The following DCAF1 variants were observed in gnomAD, a reference collection of about 807,000 sequenced individuals.
DCAF1 encodes DDB1- and CUL4-associated factor 1.
Under a neutral mutation model 128.0 loss-of-function variants are expected in DCAF1, and 15 were observed. The observed-to-expected ratio is 0.12, with a 90% CI of 0.08 to 0.18. The LOEUF is 0.18. DCAF1 is among the 10% of genes least tolerant of loss of function. DCAF1 has a pLI of 1.00. For synonymous variants in DCAF1, 610 were observed against 603.0 expected, an observed-to-expected ratio of 1.01 and a Z score of -0.17; for missense variants, 988 against 1,649.5, an observed-to-expected ratio of 0.60 and a Z score of 6.95.
chr3:51,396,072 C>CTGAG (rs1466124284), downstream of DCAF1: 3 of 411,426 alleles, frequency 7.3e-6, no homozygotes, highest in Non-Finnish European at 1.3e-5. Flanking sequence ...CAACAAACGC[C>CTGAG]TGAGTCACAG....
At chr3:51,499,350 C>A (rs1708582625) in intron 1 of DCAF1, among the ~76,000 whole-genome samples, 1 of 152,118 alleles carries the variant, frequency 6.6e-6, no homozygotes, top group Non-Finnish European at 1.5e-5. Context: ...CCGCCCCCGT[C>A]GCACGGTCCA....
At chr3:51,487,424 CATTATT>C (rs1281957278) in intron 2 of DCAF1, among the ~76,000 whole-genome samples, 1 of 152,186 alleles carries the variant, frequency 6.6e-6, no homozygotes, top group Non-Finnish European at 1.5e-5. Flanking sequence ...AACATTGTTA[CATTATT>C]ATTAACTAAA....
chr3:51,425,084 T>C (rs1699785574), intron 13 of DCAF1, among the ~76,000 whole-genome samples: 1 of 152,200 alleles, frequency 6.6e-6, no homozygotes, highest in African/African-American at 2.4e-5. Context: ...AATTTTCTTT[T>C]CTCTTTAAAA....
At chr3:51,482,690 G>A (rs546424218) in intron 3 of DCAF1, among the ~76,000 whole-genome samples, 54 of 145,626 alleles carry the variant, frequency 3.7e-4, no homozygotes, top group Non-Finnish European at 5.9e-4. Context: ...ACTTGAACCC[G>A]GGAGGCGGAG....
At chr3:51,444,838 G>A (rs961458129) in intron 6 of DCAF1, among the ~76,000 whole-genome samples, 5 of 151,140 alleles carry the variant, frequency 3.3e-5, no homozygotes, top group Non-Finnish European at 5.9e-5. Flanking sequence ...ACCACGCCCG[G>A]CTAATTTTTT....
chr3:51,462,956 A>T (rs1214625133), intron 6 of DCAF1, among the ~76,000 whole-genome samples, 158 bp downstream of exon 6: 1 of 152,022 alleles, frequency 6.6e-6, no homozygotes, highest in Non-Finnish European at 1.5e-5. Flanking sequence ...AAAAATAAAT[A>T]ATTTTATTAT....
intron 24 of DCAF1, among the ~76,000 whole-genome samples, chr3:51,400,600 C>T (rs2089596712): frequency 6.6e-6 from 1 of 152,190 alleles, no homozygotes; most frequent in South Asian, 2.1e-4. Context: ...CAACTCCCCT[C>T]TGGTGGTCAG....
At chr3:51,445,288 T>C (rs1192369469) in intron 6 of DCAF1, among the ~76,000 whole-genome samples, 1 of 152,208 alleles carries the variant, frequency 6.6e-6, no homozygotes, top group Non-Finnish European at 1.5e-5. Flanking sequence ...TAAACTTTGT[T>C]AACTGCTATA....
chr3:51,420,192 G>A lies in DCAF1; in HGVS notation c.2778C>T (p.Ala926=). The A allele has an allele frequency of 6.2e-7, 1 of 1,614,016 alleles. No individual in the cohort carries two copies. The highest frequency in any genetic ancestry group is 1.1e-5 in the South Asian group (1 of 91,082). ...HAAVGASAPS[A]PTAHPQPRPP... is the part of the protein sequence containing the mutation. ...GCCGTGGCTGAGGATGAGCAGTAGG[G>A]GCAGAAGGCGCAGAGGCACCCACAG... The change falls in exon 15 of 25, where the codon GCC becomes GCT. Residue 926 remains alanine, a synonymous_variant. Transcript: ENST00000684031. This position sits in a 1 kb window ranked among gnomAD's most constrained non-coding sequence, Gnocchi z 6.5.
chr3:51,435,679 C>G (rs1276226304), intron 9 of DCAF1, among the ~76,000 whole-genome samples: 1 of 149,620 alleles, frequency 6.7e-6, no homozygotes, highest in East Asian at 2.0e-4. Context: ...CCACTGCACT[C>G]CAGCCTGGGT....
intron 10 of DCAF1, among the ~76,000 whole-genome samples, chr3:51,431,070 C>G (rs1487706704): frequency 1.3e-5 from 2 of 152,156 alleles, no homozygotes; most frequent in African/African-American, 4.8e-5. Context: ...GTCCCAGCTA[C>G]TTGCGAGGAT....
chr3:51,489,849 AGATAGAT>A (rs1707426344), intron 2 of DCAF1, among the ~76,000 whole-genome samples: 6 of 151,692 alleles, frequency 4.0e-5, no homozygotes, highest in Non-Finnish European at 7.4e-5. Context: ...ATAGATAGAT[AGATAGAT>A]AGATGGTATC....
In DCAF1 at chr3:51,427,952, C is replaced by G. The variant is rs978417721; in HGVS notation, c.1678-411G>C. Among the ~76,000 whole-genome samples, 3 of 152,134 alleles carry G rather than the reference C, an allele frequency of 2.0e-5. No homozygotes were observed. The East Asian group carries it at 5.8e-4, about 29-fold the overall frequency. The stretch of plus-strand genomic sequence containing the variant: ...GTGCTGGAATTACAGGCATGAGCCA[C>G]CATGCTTGGCCAAGGTTTTAATTAT... On this transcript the variant is annotated intron_variant, in intron 12 of 24. Transcript: ENST00000684031.
intron 2 of DCAF1, among the ~76,000 whole-genome samples, chr3:51,485,702 T>C (rs929178854): frequency 6.6e-6 from 1 of 152,134 alleles, no homozygotes; most frequent in Non-Finnish European, 1.5e-5. Flanking sequence ...AAGAAATACA[T>C]GTAAAAGATG....
At chr3:51,497,857 T>C (rs1208038942) in intron 1 of DCAF1, among the ~76,000 whole-genome samples, 3 of 151,798 alleles carry the variant, frequency 2.0e-5, no homozygotes, top group Non-Finnish European at 4.4e-5. Context: ...GAGACCATCA[T>C]GGCTAACACG....
At chr3:51,432,755 G>A (rs1403246498) in intron 10 of DCAF1, among the ~76,000 whole-genome samples, 5 of 152,032 alleles carry the variant, frequency 3.3e-5, no homozygotes, top group African/African-American at 9.7e-5. Context: ...CACTGCGCCC[G>A]GCCTGTTGTT....
At chr3:51,415,793 C>G (rs1553630178) in intron 18 of DCAF1, among the ~76,000 whole-genome samples, 1 of 151,944 alleles carries the variant, frequency 6.6e-6, no homozygotes, top group Non-Finnish European at 1.5e-5. Flanking sequence ...GGGAGTCTCT[C>G]TATGTTGCCC....
intron 4 of DCAF1, among the ~76,000 whole-genome samples, chr3:51,470,429 T>C (rs1308427826): frequency 6.6e-6 from 1 of 152,028 alleles, no homozygotes; most frequent in Non-Finnish European, 1.5e-5. Context: ...CAGCCAGGCA[T>C]GATAGCACAC....
chr3:51,492,206 G>C (rs1413313410), intron 2 of DCAF1, among the ~76,000 whole-genome samples: 1 of 151,628 alleles, frequency 6.6e-6, no homozygotes, highest in Admixed American at 6.6e-5. Context: ...CCACAAAACA[G>C]CGAAGTTGGA....
Sources: gnomAD v4.1 joint callset for allele counts (sites outside exome capture counted in the v4.1 genomes callset) on GRCh38, gnomAD v4.1.1 for gene constraint, Gnocchi (gnomAD v3.1) non-coding constraint, MANE v1.5 for transcripts, NCBI Gene and HGNC (gene_info 2026-07-23, HGNC 2026-07-21) for gene names.